Variants in FARS2 observed in about 807,000 individuals in gnomAD.
The protein encoded by FARS2 is phenylalanyl-tRNA synthetase 2, mitochondrial.
In FARS2, 40 loss-of-function variants were observed where a neutral mutation model predicts 46.4. That is an observed-to-expected ratio of 0.86 (90% CI 0.67 to 1.12). The LOEUF (loss-of-function observed/expected upper bound fraction) is 1.12. FARS2 is among the 50% of genes most tolerant of loss of function. The pLI, the probability that FARS2 is intolerant of heterozygous loss-of-function variation, is 0.00. For synonymous variants in FARS2, 234 were observed against 214.9 expected, an observed-to-expected ratio of 1.09 and a Z score of -0.78; for missense variants, 513 against 567.9, an observed-to-expected ratio of 0.90 and a Z score of 0.98.
chr6:5,366,286 C>A (rs1380959344), intron 1 of FARS2, among the ~76,000 whole-genome samples: 3 of 152,242 alleles, frequency 2.0e-5, no homozygotes, highest in African/African-American at 7.2e-5. Flanking sequence ...AATGGAAGAA[C>A]AATGTATTAA....
chr6:5,473,741 G>C (rs557100359), intron 4 of FARS2, among the ~76,000 whole-genome samples: 1 of 151,994 alleles, frequency 6.6e-6, no homozygotes, highest in Non-Finnish European at 1.5e-5. Context: ...GATTATCTTT[G>C]TTACTTGCAT....
At chr6:5,564,037 A>C (rs1161124997) in intron 5 of FARS2, among the ~76,000 whole-genome samples, 1 of 152,240 alleles carries the variant, frequency 6.6e-6, no homozygotes, top group African/African-American at 2.4e-5. Flanking sequence ...AGACTCAGTG[A>C]TAGTAAAACT....
chr6:5,487,424 G>A (rs141065959), intron 4 of FARS2, among the ~76,000 whole-genome samples: 35 of 152,300 alleles, frequency 2.3e-4, no homozygotes, highest in Admixed American at 4.6e-4. Context: ...CATATAGTGT[G>A]CACTCAGCAA....
intron 6 of FARS2, among the ~76,000 whole-genome samples, chr6:5,700,618 G>A (rs997319826): frequency 3.3e-5 from 5 of 152,162 alleles, no homozygotes; most frequent in African/African-American, 4.8e-5. Flanking sequence ...GGCTGGTCTC[G>A]AACTCCGGAC....
At chr6:5,478,348 T>C (rs1766249012) in intron 4 of FARS2, among the ~76,000 whole-genome samples, 1 of 152,232 alleles carries the variant, frequency 6.6e-6, no homozygotes. Flanking sequence ...CTTTCACTTG[T>C]ATGATGCTTT....
At chr6:5,697,272 CTT>C (rs760235578) in intron 6 of FARS2, among the ~76,000 whole-genome samples, 1 of 152,124 alleles carries the variant, frequency 6.6e-6, no homozygotes, top group Middle Eastern at 3.2e-3. Context: ...TGACTTTTGT[CTT>C]TTTAAAATTG....
At chr6:5,313,950 C>G (rs1769267729) in intron 1 of FARS2, among the ~76,000 whole-genome samples, 1 of 152,158 alleles carries the variant, frequency 6.6e-6, no homozygotes, top group Admixed American at 6.5e-5. Flanking sequence ...ATGTAGTGTG[C>G]TGGGGCATTG....
intron 6 of FARS2, among the ~76,000 whole-genome samples, chr6:5,714,209 G>A (rs967792304): frequency 6.6e-6 from 1 of 152,140 alleles, no homozygotes; most frequent in African/African-American, 2.4e-5. Flanking sequence ...GCTAGTTTAG[G>A]AGGCCATCGT....
At chr6:5,456,083 G>A (rs376617928) in intron 4 of FARS2, among the ~76,000 whole-genome samples, 1 of 152,140 alleles carries the variant, frequency 6.6e-6, no homozygotes. Context: ...AGGCACATTA[G>A]CGTGCATCTG....
chr6:5,294,881 C>G (rs1215042419), intron 1 of FARS2, among the ~76,000 whole-genome samples: 1 of 152,056 alleles, frequency 6.6e-6, no homozygotes, highest in Non-Finnish European at 1.5e-5. Flanking sequence ...CATTCCTTCC[C>G]CCAAAGTATA....
At chr6:5,347,072 C>T (rs568502118) in intron 1 of FARS2, among the ~76,000 whole-genome samples, 14 of 152,190 alleles carry the variant, frequency 9.2e-5, no homozygotes, top group African/African-American at 3.4e-4. Context: ...CACCACCACA[C>T]CTGGCTAATT....
At chr6:5,562,288 G>C (rs1772029911) in intron 5 of FARS2, among the ~76,000 whole-genome samples, 1 of 151,488 alleles carries the variant, frequency 6.6e-6, no homozygotes, top group African/African-American at 2.4e-5. Flanking sequence ...TCCCTAGGGT[G>C]CCCAGTTAAG....
At chr6:5,484,151 A>T (rs183775568) in intron 4 of FARS2, among the ~76,000 whole-genome samples, 1 of 152,234 alleles carries the variant, frequency 6.6e-6, no homozygotes, top group Non-Finnish European at 1.5e-5. Flanking sequence ...AGGCAAACAC[A>T]TAAATAAGTG....
At chr6:5,297,663 A>C (rs200726646) in intron 1 of FARS2, among the ~76,000 whole-genome samples, 1 of 31,346 alleles carries the variant, frequency 3.2e-5, no homozygotes, top group African/African-American at 1.1e-4. Context: ...GCAAAAAAAT[A>C]AAAAAAAACC....
chr6:5,506,354 C>T (rs1768097414), intron 4 of FARS2, among the ~76,000 whole-genome samples: 1 of 152,180 alleles, frequency 6.6e-6, no homozygotes, highest in Admixed American at 6.5e-5. Context: ...ACAAGGCCAG[C>T]AGAATAGAGG....
At chr6:5,289,589 A>G (rs1767363358) in intron 1 of FARS2, among the ~76,000 whole-genome samples, 1 of 152,226 alleles carries the variant, frequency 6.6e-6, no homozygotes, top group African/African-American at 2.4e-5. Flanking sequence ...GGCTGAAGTG[A>G]AGTTACAAAG....
At chr6:5,714,478 C>G (rs1410690833) in intron 6 of FARS2, among the ~76,000 whole-genome samples, 6 of 152,154 alleles carry the variant, frequency 3.9e-5, no homozygotes, top group African/African-American at 1.4e-4. Flanking sequence ...TGGTCTTCTT[C>G]TAGCTCTTGC....
intron 6 of FARS2, among the ~76,000 whole-genome samples, chr6:5,689,250 G>A (rs1173908854): frequency 6.6e-6 from 1 of 152,138 alleles, no homozygotes; most frequent in Non-Finnish European, 1.5e-5. Flanking sequence ...GCTTTTGAAT[G>A]TGTTTGCTCT....
intron 1 of FARS2, among the ~76,000 whole-genome samples, chr6:5,292,353 G>A (rs1376252704): frequency 6.6e-6 from 1 of 152,248 alleles, no homozygotes; most frequent in Admixed American, 6.5e-5. Flanking sequence ...GCATGTGTGT[G>A]AATTGGTGGC....
Sources: allele counts gnomAD v4.1 joint callset (sites outside exome capture counted in the v4.1 genomes callset), GRCh38; gene constraint gnomAD v4.1.1; transcripts MANE v1.5; gene names NCBI Gene and HGNC (gene_info 2026-07-23, HGNC 2026-07-21).